Variants in TBC1D22B observed in about 807,000 individuals in gnomAD.
The protein encoded by TBC1D22B is chromosome 6 open reading frame 197.
Under a neutral mutation model 69.1 loss-of-function variants are expected in TBC1D22B, and 32 were observed. The ratio of observed to expected loss-of-function variants is 0.46; its 90% CI spans 0.35 to 0.62. TBC1D22B has a LOEUF of 0.62. TBC1D22B is among the 20% of genes least tolerant of loss of function. The pLI is 0.00. For missense variants in TBC1D22B, 462 were observed against 630.9 expected (o/e 0.73, Z 2.87); for synonymous variants, 206 against 229.8 (o/e 0.90, Z 0.94).
chr6:37,269,524 A>G (rs1213893298), intron 1 of TBC1D22B, 70 bp from the exon 2 acceptor site: 2 of 1,471,244 alleles, frequency 1.4e-6, no homozygotes, highest in South Asian at 1.2e-5. Flanking sequence ...TGTGATGCAG[A>G]TGGCACTTAG....
intron 2 of TBC1D22B, among the ~76,000 whole-genome samples, chr6:37,271,355 C>A (rs543787392): frequency 6.6e-6 from 1 of 152,066 alleles, no homozygotes; most frequent in Non-Finnish European, 1.5e-5. Flanking sequence ...ACGGTGGATA[C>A]GTGTCATTAT....
chr6:37,282,307 G>A lies in TBC1D22B; in HGVS notation c.544G>A (p.Glu182Lys), dbSNP rs1475298877. The A allele has an allele frequency of 1.9e-6, 3 of 1,613,652 alleles. No individual in the cohort carries two copies. Among genetic ancestry groups the A allele is most frequent in the Non-Finnish European group, 2.5e-6 (3 of 1,179,800 alleles). ...ASGAPPMTVR[E>K]KTRLEKFRQL... is the part of the protein sequence containing the mutation. ...TGGGGCCCCCCCAATGACTGTCCGG[G>A]AGAAAACCCGCCTAGAAAAATTCCG... is the stretch of plus-strand genomic sequence containing the variant. The change falls in exon 4 of 13, where the codon GAG becomes AAG. Residue 182 changes from glutamate to lysine, a missense_variant. By Grantham distance (56) the Glu-to-Lys change is moderately conservative. Transcript: ENST00000373491.
intron 8 of TBC1D22B, among the ~76,000 whole-genome samples, chr6:37,309,352 G>A (rs1581619973): frequency 1.3e-5 from 2 of 152,158 alleles, no homozygotes; most frequent in South Asian, 4.1e-4. Flanking sequence ...CAGGAACTGG[G>A]GCTCTTGCTC....
chr6:37,279,656 C>A, intron 3 of TBC1D22B, 45 bp downstream of exon 3: 4 of 1,536,306 alleles, frequency 2.6e-6, no homozygotes, highest in South Asian at 1.3e-5. Flanking sequence ...TTCTCAGCAG[C>A]GTGCATTTTA....
chr6:37,285,001 G>A (rs1581591655), intron 6 of TBC1D22B, among the ~76,000 whole-genome samples: 1 of 152,192 alleles, frequency 6.6e-6, no homozygotes, highest in Non-Finnish European at 1.5e-5. Context: ...CAGTAGTCTT[G>A]TCAGGGAGTC....
intron 12 of TBC1D22B, among the ~76,000 whole-genome samples, chr6:37,327,136 A>G (rs1012751458): frequency 2.0e-5 from 3 of 152,074 alleles, no homozygotes; most frequent in African/African-American, 7.2e-5. Context: ...ACATGGTGGC[A>G]TGGGGGTGGG....
Position 37,279,198 on chromosome 6 carries a change from TTATG to T in TBC1D22B, c.114-100_114-97del, listed in dbSNP as rs201537052. On this transcript the variant is annotated intron_variant, in intron 2 of 12. Coordinates refer to ENST00000373491, the MANE Select transcript of TBC1D22B (RefSeq NM_017772.4). ...AATTTTTGTTTGAAGAAGCTAATGA[TTATG>T]TATGTGGTAGTTTGTAATTTATTAA... 5.4e-3 allele frequency: 6,106 copies of T among 1,121,988 alleles called. 70 individuals are homozygous for T. Among genetic ancestry groups the T allele is most frequent in the African/African-American group, 0.028 (1,781 of 62,868 alleles). 69.5% of individuals were successfully genotyped at this position (1,121,988 alleles called of 1,614,324 possible).
intron 1 of TBC1D22B, among the ~76,000 whole-genome samples, chr6:37,264,376 G>A (rs1299080806): frequency 2.6e-5 from 4 of 152,252 alleles, no homozygotes; most frequent in East Asian, 3.9e-4. Flanking sequence ...GCAATGGCAC[G>A]ATCTCGGCTC....
chr6:37,282,960 C>G lies in TBC1D22B; in HGVS notation c.672+8C>G. 6.2e-7 allele frequency: 1 copy of G among 1,613,198 alleles called. No homozygotes were observed. Among genetic ancestry groups the G allele is most frequent in the Non-Finnish European group, 8.5e-7 (1 of 1,179,326 alleles). On this transcript the variant is annotated splice_region_variant and intron_variant, in intron 5 of 12. Coordinates refer to ENST00000373491, the MANE Select transcript of TBC1D22B (RefSeq NM_017772.4). ...ACCTGGAGACTCCTGTCGGTGAGTT[C>G]TACCCACTGTGTAGAGAAATGTGAG...
At chr6:37,296,232 T>C (rs1767363607) in intron 8 of TBC1D22B, among the ~76,000 whole-genome samples, 1 of 152,140 alleles carries the variant, frequency 6.6e-6, no homozygotes, top group African/African-American at 2.4e-5. Flanking sequence ...ACTGTACTCC[T>C]GCCTGGGCAA....
At chr6:37,302,276 G>A (rs890384139) in intron 8 of TBC1D22B, among the ~76,000 whole-genome samples, 1 of 152,340 alleles carries the variant, frequency 6.6e-6, no homozygotes, top group Non-Finnish European at 1.5e-5. Flanking sequence ...AGCCAGCTGT[G>A]TCTGGGTCTA....
intron 6 of TBC1D22B, 55 bp from the exon 7 acceptor site, chr6:37,286,952 C>T: frequency 6.5e-7 from 1 of 1,545,110 alleles, no homozygotes; most frequent in Non-Finnish European, 8.8e-7. Flanking sequence ...CTCAAAAAAA[C>T]AAAAACAAAA....
intron 12 of TBC1D22B, among the ~76,000 whole-genome samples, chr6:37,327,822 G>A (rs1448752745): frequency 6.6e-6 from 1 of 152,134 alleles, no homozygotes; most frequent in African/African-American, 2.4e-5. Flanking sequence ...GGGACCTTGG[G>A]ATGTGCACTC....
intron 12 of TBC1D22B, among the ~76,000 whole-genome samples, chr6:37,323,094 C>G (rs1230805320): frequency 6.6e-6 from 1 of 152,188 alleles, no homozygotes; most frequent in Non-Finnish European, 1.5e-5. Context: ...GCAGCAGCAG[C>G]AGCAGCAGCA....
chr6:37,258,357 G>A (rs1765914763), intron 1 of TBC1D22B, among the ~76,000 whole-genome samples: 1 of 152,166 alleles, frequency 6.6e-6, no homozygotes, highest in Non-Finnish European at 1.5e-5. Flanking sequence ...ACGCACAGGT[G>A]GTTGGTCGCT....
rs1767961427 is a variant in TBC1D22B at position 37,312,948 on chromosome 6, A to C, written c.1013A>C (p.Asn338Thr). The C allele has an allele frequency of 1.2e-6, 2 of 1,614,038 alleles. No homozygotes were observed. The highest frequency in any genetic ancestry group is 1.3e-5 in the African/African-American group (1 of 74,920). The change falls in exon 9 of 13, where the codon AAC becomes ACC. Residue 338 changes from asparagine to threonine, a missense_variant. Transcript: ENST00000373491. ...EEDVENFDVTNLSQDMLRSIE... is the reference protein window; with the variant it reads ...EEDVENFDVTTLSQDMLRSIE... The stretch of plus-strand genomic sequence containing the variant: ...GATGTGGAGAACTTTGACGTGACCA[A>C]CTTGTCTCAAGACATGCTGCGAAGC...
At chr6:37,305,556 C>T (rs1467812307) in intron 8 of TBC1D22B, among the ~76,000 whole-genome samples, 1 of 148,144 alleles carries the variant, frequency 6.8e-6, no homozygotes, top group Admixed American at 6.8e-5. Flanking sequence ...GTTGCTCTGT[C>T]CCCCAGGCTG....
At chr6:37,281,087 G>A (rs181001035) in intron 3 of TBC1D22B, among the ~76,000 whole-genome samples, 46 of 152,334 alleles carry the variant, frequency 3.0e-4, no homozygotes, top group Admixed American at 2.4e-3. Context: ...AGGCCCAGCC[G>A]TGTAAAGAAT....
chr6:37,292,356 C>A (rs80339316), intron 8 of TBC1D22B, among the ~76,000 whole-genome samples: 2,425 of 152,234 alleles, frequency 0.016, 45 homozygotes, highest in Non-Finnish European at 0.018. Context: ...CTTGGCCTAT[C>A]CTATCCAGGT....
Sources: gnomAD v4.1 joint callset for allele counts (sites outside exome capture counted in the v4.1 genomes callset) on GRCh38, gnomAD v4.1.1 for gene constraint, MANE v1.5 for transcripts, NCBI Gene and HGNC (gene_info 2026-07-23, HGNC 2026-07-21) for gene names.